The following FAM124A variants were observed in gnomAD, a reference collection of about 807,000 sequenced individuals.
The protein encoded by FAM124A is family with sequence similarity 124 member A, also known as protein FAM124A.
A neutral mutation model predicts 24.5 loss-of-function variants in FAM124A; 23 were observed. The ratio of observed to expected loss-of-function variants is 0.94; its 90% confidence interval spans 0.68 to 1.33. FAM124A has a LOEUF of 1.33. FAM124A is among the 40% of genes most tolerant of loss of function. The pLI is 0.00. For missense variants in FAM124A, 623 were observed against 722.8 expected (o/e 0.86, Z 1.58); for synonymous variants, 287 against 314.7 (o/e 0.91, Z 0.93).
chr13:51,255,060 G>A (rs2137683567), intron 3 of FAM124A, among the ~76,000 whole-genome samples: 1 of 152,174 alleles, frequency 6.6e-6, no homozygotes, highest in East Asian at 1.9e-4. Flanking sequence ...GAAAGGGGGA[G>A]AGAGAAGAAA....
chr13:51,238,396 C>T lies in FAM124A; in HGVS notation c.100+7017C>T, dbSNP rs114548120. Among the ~76,000 whole-genome samples the T allele has an allele frequency of 1.8e-3, 276 of 152,320 alleles. 2 individuals are homozygous for T. The highest frequency in any genetic ancestry group is 6.3e-3 in the African/African-American group (261 of 41,566). On this transcript the variant is annotated intron_variant, in intron 2 of 3. Coordinates refer to ENST00000322475, the MANE Select transcript of FAM124A (RefSeq NM_001242312.2). Reference sequence around the variant, plus strand: ...AGCCCATCTCTTCGTTATGCAAGCTCGCTCTTAAATCATCCCTGATACAGG... The same window carrying T: ...AGCCCATCTCTTCGTTATGCAAGCTTGCTCTTAAATCATCCCTGATACAGG...
chr13:51,265,537 C>G (rs1954777149), intron 3 of FAM124A, among the ~76,000 whole-genome samples: 1 of 152,168 alleles, frequency 6.6e-6, no homozygotes, highest in Admixed American at 6.5e-5. Context: ...CTGGGTGGTT[C>G]TCGCGTGCCT....
chr13:51,276,192 C>G (rs1954884879), intron 3 of FAM124A, among the ~76,000 whole-genome samples: 1 of 152,140 alleles, frequency 6.6e-6, no homozygotes, highest in Non-Finnish European at 1.5e-5. Context: ...AGAGAGATCA[C>G]TCAAGAGGTA....
At position 51,252,206 on chromosome 13, in the gene FAM124A, T is replaced by A. The variant is rs1566168607; in HGVS notation, c.834+5T>A. ...GGGAACAAGATCCTCCTACAGGTAC[T>A]GGGGGGACGCCTGTCTGTCTGTTTA... On this transcript the variant is annotated splice_donor_5th_base_variant and intron_variant, in intron 3 of 3. Coordinates refer to ENST00000322475, the MANE Select transcript of FAM124A (RefSeq NM_001242312.2). 2 of 1,610,730 alleles carry A rather than the reference T, an allele frequency of 1.2e-6. No individual in the cohort carries two copies. The highest frequency in any genetic ancestry group is 1.7e-6 in the Non-Finnish European group (2 of 1,178,862).
At chr13:51,240,693 TAA>T (rs978222427) in intron 2 of FAM124A, among the ~76,000 whole-genome samples, 25 of 152,190 alleles carry the variant, frequency 1.6e-4, no homozygotes, top group African/African-American at 6.0e-4. Context: ...GCTCCTATTA[TAA>T]AGAGTATGAA....
At chr13:51,267,459 T>C (rs1047999876) in intron 3 of FAM124A, among the ~76,000 whole-genome samples, 3 of 152,178 alleles carry the variant, frequency 2.0e-5, no homozygotes, top group Non-Finnish European at 4.4e-5. Context: ...CTTCCTGAAA[T>C]TGAGAAGCAA....
chr13:51,253,266 C>T (rs541893267), intron 3 of FAM124A: 1 of 152,312 alleles, frequency 6.6e-6, no homozygotes, highest in South Asian at 2.1e-4. Flanking sequence ...AGCACCAGAA[C>T]TATAATCCAC....
chr13:51,280,644 TGCC>T lies in FAM124A; in HGVS notation c.1031_1033del (p.Ala344del), dbSNP rs771090034. On this transcript the variant is annotated inframe_deletion, in exon 4 of 4. Coordinates refer to ENST00000322475, the MANE Select transcript of FAM124A (RefSeq NM_001242312.2). ...TGCCTCCTGGGCACCAGCAGGAATT[TGCC>T]GGACGAGCCAACAGCACCCCCAACC... The T allele has an allele frequency of 1.2e-5, 19 of 1,614,204 alleles. No individual in the cohort carries two copies. The Admixed American group carries it at 1.5e-4, about 13-fold the overall frequency.
chr13:51,234,238 C>T (rs778507735), intron 2 of FAM124A, among the ~76,000 whole-genome samples: 2 of 152,186 alleles, frequency 1.3e-5, no homozygotes, highest in Non-Finnish European at 2.9e-5. Context: ...TTCACAGGGG[C>T]AGAAATGCTT....
At chr13:51,246,603 G>A (rs1954565375) in intron 2 of FAM124A, among the ~76,000 whole-genome samples, 1 of 152,016 alleles carries the variant, frequency 6.6e-6, no homozygotes, top group Non-Finnish European at 1.5e-5. Context: ...TGCAGAGGGG[G>A]CTCTGGGGGT....
intron 2 of FAM124A, among the ~76,000 whole-genome samples, chr13:51,234,153 A>G (rs1954410074): frequency 1.3e-5 from 2 of 152,218 alleles, no homozygotes; most frequent in South Asian, 4.1e-4. Context: ...ACTATTACAA[A>G]GTGGATTTTT....
chr13:51,260,951 T>C (rs1382680274), intron 3 of FAM124A, among the ~76,000 whole-genome samples: 1 of 152,200 alleles, frequency 6.6e-6, no homozygotes, highest in African/African-American at 2.4e-5. Context: ...AGCTGCTGCT[T>C]CAGGTTTGAT....
At chr13:51,244,309 T>C (rs1954533101) in intron 2 of FAM124A, among the ~76,000 whole-genome samples, 1 of 152,234 alleles carries the variant, frequency 6.6e-6, no homozygotes, top group Non-Finnish European at 1.5e-5. Context: ...TATATTTGTT[T>C]ATTGTCTGTC....
intron 2 of FAM124A, among the ~76,000 whole-genome samples, chr13:51,243,916 G>A (rs1306104975): frequency 6.6e-6 from 1 of 152,166 alleles, no homozygotes; most frequent in Admixed American, 6.5e-5. Flanking sequence ...TCTCACCTGA[G>A]TTTTCTGCCA....
chr13:51,245,282 C>T (rs771268424), intron 2 of FAM124A: 11 of 625,746 alleles, frequency 1.8e-5, no homozygotes, highest in East Asian at 5.9e-5. Flanking sequence ...AAAATCTGGC[C>T]GCCCCCCACT....
At chr13:51,233,336 A>G (rs1040423827) in intron 2 of FAM124A, among the ~76,000 whole-genome samples, 8 of 152,244 alleles carry the variant, frequency 5.3e-5, no homozygotes, top group African/African-American at 1.9e-4. Flanking sequence ...AAGAAAGGGG[A>G]AGGGCAGAAA....
chr13:51,225,074 T>A (rs1420752847), intron 1 of FAM124A: 1 of 152,210 alleles, frequency 6.6e-6, no homozygotes, highest in Non-Finnish European at 1.5e-5. Context: ...TGCAAAATGA[T>A]GTGCTTTGTG....
Position 51,246,405 on chromosome 13 carries a change from G to GA in FAM124A, c.101-5063_101-5062insA, listed in dbSNP as rs1006255644. Among the ~76,000 whole-genome samples, 5 of 70,842 alleles carry GA rather than the reference G, an allele frequency of 7.1e-5. 1 individual carries two copies. Among genetic ancestry groups the GA allele is most frequent in the Admixed American group, 5.0e-4 (4 of 8,040 alleles). The allele number at this position is 70,842 out of a possible 152,430, so 46.5% of individuals were successfully genotyped here. A position where few individuals can be genotyped will look rare whatever the true frequency, so the allele number is the denominator to read the frequency against. Reference sequence around the variant, plus strand: ...CACAGAGGCATGTTTCTCGTGGGGTGGGGGGGGGTGTAACTCTAACACCTG... The same window carrying GA: ...CACAGAGGCATGTTTCTCGTGGGGTGAGGGGGGGGTGTAACTCTAACACCTG... On this transcript the variant is annotated intron_variant, in intron 2 of 3. Transcript: ENST00000322475.
chr13:51,279,220 T>C (rs1263895092), intron 3 of FAM124A, among the ~76,000 whole-genome samples: 1 of 152,212 alleles, frequency 6.6e-6, no homozygotes, highest in African/African-American at 2.4e-5. Context: ...TCTTGACTTA[T>C]TTTCTCTTTT....
Sources: gnomAD v4.1 joint callset for allele counts (sites outside exome capture counted in the v4.1 genomes callset) on GRCh38, gnomAD v4.1.1 for gene constraint, MANE v1.5 for transcripts, NCBI Gene and HGNC (gene_info 2026-07-23, HGNC 2026-07-21) for gene names.